SORCS2: variants seen among roughly 807,000 people sequenced by gnomAD.
SORCS2 encodes sortilin related VPS10 domain containing receptor 2.
Under a neutral mutation model 141.6 loss-of-function variants are expected in SORCS2, and 100 were observed. That is an observed-to-expected ratio of 0.71 (90% confidence interval 0.60 to 0.83). The LOEUF is 0.83. SORCS2 is among the 40% of genes least tolerant of loss of function. SORCS2 has a pLI of 0.00. For synonymous variants in SORCS2, 789 were observed against 676.9 expected (o/e 1.17, Z -2.57); for missense variants, 1,646 against 1,560.2 (o/e 1.05, Z -0.93).
At chr4:7,321,936 G>A (rs1475740891) in intron 1 of SORCS2, among the ~76,000 whole-genome samples, 12 of 152,180 alleles carry the variant, frequency 7.9e-5, no homozygotes, top group Admixed American at 7.8e-4. Flanking sequence ...GGGAGTTGGC[G>A]TGGCTTGGTG....
intron 2 of SORCS2, among the ~76,000 whole-genome samples, chr4:7,413,807 A>G (rs1206125585): frequency 6.6e-6 from 1 of 152,112 alleles, no homozygotes; most frequent in African/African-American, 2.4e-5. Context: ...TAATGCCGAG[A>G]TGTAAAGGGA....
At chr4:7,540,455 G>T (rs921274463) in intron 3 of SORCS2, among the ~76,000 whole-genome samples, 2 of 152,154 alleles carry the variant, frequency 1.3e-5, no homozygotes, top group Non-Finnish European at 2.9e-5. Context: ...CTTTGCCACC[G>T]CCTGTGCTTT....
chr4:7,489,354 T>C (rs1577649170), intron 2 of SORCS2, among the ~76,000 whole-genome samples: 1 of 152,238 alleles, frequency 6.6e-6, no homozygotes, highest in Non-Finnish European at 1.5e-5. Flanking sequence ...TCGTCGCTGG[T>C]GCCTTCTTGA....
At chr4:7,463,272 G>A (rs1011152536) in intron 2 of SORCS2, among the ~76,000 whole-genome samples, 2 of 152,160 alleles carry the variant, frequency 1.3e-5, no homozygotes, top group Non-Finnish European at 2.9e-5. Context: ...TGCACAGCCC[G>A]TTACTCAGAA....
intron 24 of SORCS2, 83 bp downstream of exon 24, chr4:7,733,504 G>A: frequency 8.7e-7 from 1 of 1,149,604 alleles, no homozygotes; most frequent in Non-Finnish European, 1.2e-6. Flanking sequence ...AGGGCCCTCG[G>A]GCAGATGGCC....
intron 2 of SORCS2, among the ~76,000 whole-genome samples, chr4:7,405,854 G>T (rs532371876): frequency 7.0e-4 from 106 of 152,078 alleles, no homozygotes; most frequent in African/African-American, 2.4e-3. Flanking sequence ...GATTGCTGTG[G>T]CCAAGACTTC....
At position 7,725,141 on chromosome 4, in the gene SORCS2, TG is replaced by T. The variant is rs758126052; in HGVS notation, c.2612-10del. On this transcript the variant is annotated splice_polypyrimidine_tract_variant and intron_variant, in intron 19 of 26. Transcript: ENST00000507866. Reference sequence around the variant, plus strand: ...TGATATCATCTAACCCTGGCCTTTTTGGGTCCCCACAGCCCCCCTGCAGGCC... The same window carrying T: ...TGATATCATCTAACCCTGGCCTTTTTGGTCCCCACAGCCCCCCTGCAGGCC... The T allele has an allele frequency of 6.2e-7, 1 of 1,611,440 alleles. No homozygotes were observed. The highest frequency in any genetic ancestry group is 1.3e-5 in the African/African-American group (1 of 74,960).
At chr4:7,254,663 A>T (rs543646419) in intron 1 of SORCS2, among the ~76,000 whole-genome samples, 4 of 152,300 alleles carry the variant, frequency 2.6e-5, no homozygotes, top group African/African-American at 9.6e-5. Context: ...GGAAAAAAAG[A>T]GGGGCGGGCT....
At chr4:7,639,910 GGTGT>G (rs56651444) in intron 4 of SORCS2, among the ~76,000 whole-genome samples, 3,890 of 126,494 alleles carry the variant, frequency 0.031, 69 homozygotes, top group South Asian at 0.056. Context: ...TGTGTTTGTG[GGTGT>G]GTGTGTGTTT....
At chr4:7,556,653 C>A (rs1026220584) in intron 3 of SORCS2, among the ~76,000 whole-genome samples, 2 of 151,856 alleles carry the variant, frequency 1.3e-5, no homozygotes, top group Non-Finnish European at 2.9e-5. Context: ...CCCATCTGCC[C>A]ATCCATCTAT....
chr4:7,692,258 G>A (rs996650847), intron 11 of SORCS2, among the ~76,000 whole-genome samples: 1 of 152,192 alleles, frequency 6.6e-6, no homozygotes, highest in South Asian at 2.1e-4. Context: ...CACTGCTGGA[G>A]GTGGCTGGGG....
chr4:7,425,719 C>G (rs930692070), intron 2 of SORCS2, among the ~76,000 whole-genome samples: 1 of 152,212 alleles, frequency 6.6e-6, no homozygotes, highest in South Asian at 2.1e-4. Context: ...TGGCCCGGCC[C>G]GCAGTGGACC....
At chr4:7,633,230 G>A (rs1466734602) in intron 3 of SORCS2, among the ~76,000 whole-genome samples, 4 of 152,174 alleles carry the variant, frequency 2.6e-5, no homozygotes, top group Non-Finnish European at 5.9e-5. Context: ...TTGTCAGGAT[G>A]CAAACATCCT....
At chr4:7,433,989 G>A (rs1031127314) in intron 2 of SORCS2, 2 of 1,613,684 alleles carry the variant, frequency 1.2e-6, no homozygotes, top group Non-Finnish European at 1.7e-6. Flanking sequence ...CCACGTTCAT[G>A]CACACCTCAC....
At chr4:7,561,158 T>C (rs533116445) in intron 3 of SORCS2, among the ~76,000 whole-genome samples, 9 of 152,294 alleles carry the variant, frequency 5.9e-5, no homozygotes, top group African/African-American at 2.2e-4. Context: ...TCAGTATAGA[T>C]CTGGGCCCAA....
chr4:7,561,805 A>T (rs1232046111), intron 3 of SORCS2, among the ~76,000 whole-genome samples: 1 of 151,296 alleles, frequency 6.6e-6, no homozygotes, highest in Non-Finnish European at 1.5e-5. Flanking sequence ...CTGTCTACCC[A>T]TCTATACATC....
Position 7,233,531 on chromosome 4 carries a change from C to A in SORCS2, c.480+40405C>A, listed in dbSNP as rs1712053276. 6.6e-6 allele frequency among the ~76,000 whole-genome samples: 1 copy of A among 152,168 alleles called. No homozygotes were observed. Among genetic ancestry groups the A allele is most frequent in the South Asian group, 2.1e-4 (1 of 4,820 alleles). On this transcript the variant is annotated intron_variant, in intron 1 of 26. Coordinates refer to ENST00000507866, the MANE Select transcript of SORCS2 (RefSeq NM_020777.3). The surrounding 1 kb of genome is among the most constrained non-coding windows in gnomAD (Gnocchi z 4.5). ...AGACACTTGCTGGGTTCAGGGTGAG[C>A]AGACACTGGCAGCTGTGGTGGTGGG...
At chr4:7,402,929 G>T (rs4689730) in intron 2 of SORCS2, among the ~76,000 whole-genome samples, 1 of 151,432 alleles carries the variant, frequency 6.6e-6, no homozygotes, top group African/African-American at 2.4e-5. Context: ...TTCTTGACCC[G>T]TACCTCTCTA....
At chr4:7,657,035 G>C (rs935274724) in intron 5 of SORCS2, among the ~76,000 whole-genome samples, 1 of 152,234 alleles carries the variant, frequency 6.6e-6, no homozygotes, top group South Asian at 2.1e-4. Context: ...TTCCTGCGGG[G>C]AGTGGGGCTT....
Sources: gnomAD v4.1 joint callset for allele counts (sites outside exome capture counted in the v4.1 genomes callset) on GRCh38, gnomAD v4.1.1 for gene constraint, Gnocchi (gnomAD v3.1) non-coding constraint, MANE v1.5 for transcripts, NCBI Gene and HGNC (gene_info 2026-07-23, HGNC 2026-07-21) for gene names.